The following MDGA2 variants were observed in gnomAD, a reference collection of about 807,000 sequenced individuals.
MDGA2 encodes MAM domain-containing glycosylphosphatidylinositol anchor protein 2.
A neutral mutation model predicts 117.8 loss-of-function variants in MDGA2; 40 were observed. The observed-to-expected ratio is 0.34, with a 90% confidence interval of 0.26 to 0.44. The LOEUF (loss-of-function observed/expected upper bound fraction) is 0.44. MDGA2 is among the 20% of genes least tolerant of loss of function. The pLI, the probability that MDGA2 is intolerant of heterozygous loss-of-function variation, is 1.00. For missense variants in MDGA2, 1,123 were observed against 1,250.6 expected, an observed-to-expected ratio of 0.90 and a Z score of 1.54; for synonymous variants, 452 against 439.0, an observed-to-expected ratio of 1.03 and a Z score of -0.37.
chr14:46,844,918 G>A lies in MDGA2; in HGVS notation c.2989+848C>T, dbSNP rs1880766320. Among the ~76,000 whole-genome samples, 4 of 152,134 alleles carry A rather than the reference G, an allele frequency of 2.6e-5. No individual in the cohort carries two copies. In the South Asian group the frequency reaches 8.3e-4, roughly 32 times the overall value. ...TGTTTTTGAGACAGACTCTTGCTCTGTCGCCCAGGCTGGAGTGCAGTGGCG... is the reference window on the plus strand; with the variant it reads ...TGTTTTTGAGACAGACTCTTGCTCTATCGCCCAGGCTGGAGTGCAGTGGCG... On this transcript the variant is annotated intron_variant, in intron 16 of 16. Transcript: ENST00000399232.
At chr14:46,955,999 G>A (rs966389829) in intron 9 of MDGA2, among the ~76,000 whole-genome samples, 6 of 152,004 alleles carry the variant, frequency 3.9e-5, no homozygotes, top group African/African-American at 1.2e-4. Context: ...TTTAGTAAAT[G>A]AACTAATTGG....
chr14:47,333,220 T>A (rs1890343495), intron 1 of MDGA2, among the ~76,000 whole-genome samples: 1 of 151,976 alleles, frequency 6.6e-6, no homozygotes, highest in Non-Finnish European at 1.5e-5. Flanking sequence ...ATCTCCATAC[T>A]GTTTTTCATA....
intron 1 of MDGA2, among the ~76,000 whole-genome samples, chr14:47,617,947 A>G (rs755604177): frequency 2.5e-4 from 38 of 152,160 alleles, no homozygotes; most frequent in Non-Finnish European, 5.9e-5. Context: ...TTCTTAATAA[A>G]TAACTTTTTA....
intron 1 of MDGA2, among the ~76,000 whole-genome samples, chr14:47,481,085 T>G (rs1893945045): frequency 1.3e-5 from 2 of 151,932 alleles, no homozygotes; most frequent in Admixed American, 1.3e-4. Flanking sequence ...ATAATGACAT[T>G]GCCACAGCAA....
At chr14:47,200,244 A>T (rs575685768) in intron 3 of MDGA2, among the ~76,000 whole-genome samples, 21 of 152,060 alleles carry the variant, frequency 1.4e-4, no homozygotes, top group Non-Finnish European at 2.5e-4. Flanking sequence ...ATCACCAATT[A>T]TCACCACCAT....
chr14:46,879,172 A>G (rs1882348279), intron 11 of MDGA2, among the ~76,000 whole-genome samples: 1 of 152,068 alleles, frequency 6.6e-6, no homozygotes, highest in Non-Finnish European at 1.5e-5. Flanking sequence ...CCCCAATCCA[A>G]TGGGATTGGT....
chr14:47,561,158 G>GTTTTTTTTTTTTTTTTTT (rs200625450), intron 1 of MDGA2, among the ~76,000 whole-genome samples: 4 of 55,090 alleles, frequency 7.3e-5, no homozygotes, highest in Non-Finnish European at 1.3e-4. Context: ...TTTTTGTTTT[G>GTTTTTTTTTTTTTTTTTT]TTTTGTTTTT....
intron 1 of MDGA2, among the ~76,000 whole-genome samples, chr14:47,339,566 T>A (rs1180580294): frequency 6.6e-6 from 1 of 152,062 alleles, no homozygotes; most frequent in African/African-American, 2.4e-5. Flanking sequence ...CTGGTTGTTA[T>A]AATAAAAAGA....
chr14:47,525,936 A>T (rs1894965634), intron 1 of MDGA2, among the ~76,000 whole-genome samples: 1 of 152,012 alleles, frequency 6.6e-6, no homozygotes, highest in Non-Finnish European at 1.5e-5. Flanking sequence ...GGCACATGTC[A>T]CCAGTTTTTA....
At chr14:47,046,903 C>T (rs987496834) in intron 7 of MDGA2, among the ~76,000 whole-genome samples, 21 of 152,142 alleles carry the variant, frequency 1.4e-4, no homozygotes, top group South Asian at 8.3e-4. Context: ...TACACAAATG[C>T]GTTATCCTTT....
intron 1 of MDGA2, among the ~76,000 whole-genome samples, chr14:47,660,714 A>G (rs752170119): frequency 6.7e-6 from 1 of 150,298 alleles, no homozygotes; most frequent in African/African-American, 2.4e-5. Flanking sequence ...ATTGTTAATC[A>G]GCCTAGGGAG....
intron 1 of MDGA2, among the ~76,000 whole-genome samples, chr14:47,571,786 T>A (rs535489427): frequency 3.0e-4 from 45 of 151,968 alleles, no homozygotes; most frequent in Non-Finnish European, 4.9e-4. Context: ...AGGCATAGCA[T>A]TAGGAGAAAT....
At chr14:46,943,800 G>C (rs920379259) in intron 9 of MDGA2, among the ~76,000 whole-genome samples, 1 of 152,022 alleles carries the variant, frequency 6.6e-6, no homozygotes, top group Non-Finnish European at 1.5e-5. Flanking sequence ...TATTTGTAAA[G>C]GGTGAGACAG....
At chr14:47,396,987 T>C (rs1892025750) in intron 1 of MDGA2, among the ~76,000 whole-genome samples, 1 of 152,076 alleles carries the variant, frequency 6.6e-6, no homozygotes, top group Admixed American at 6.6e-5. Flanking sequence ...ACTGGGTATA[T>C]CCCAAAGGAT....
rs549727782 is a variant in MDGA2, at chr14:47,054,970, C to T, written c.1525+6279G>A. On this transcript the variant is annotated intron_variant, in intron 7 of 16. Transcript: ENST00000399232. ...TCTAGCCACTATTCATAAAATATTG[C>T]TTGTCCCCGTTGTCCAATTTTTTTT... is the stretch of plus-strand genomic sequence containing the variant. Among the ~76,000 whole-genome samples, 289 of 148,062 alleles carry T rather than the reference C, an allele frequency of 2.0e-3. 1 individual carries two copies. The highest frequency in any genetic ancestry group is 3.6e-3 in the Middle Eastern group (1 of 280).
intron 8 of MDGA2, among the ~76,000 whole-genome samples, chr14:47,016,391 G>C (rs1166996856): frequency 6.6e-6 from 1 of 151,920 alleles, no homozygotes; most frequent in African/African-American, 2.4e-5. Context: ...AAGTCTGCTA[G>C]GTTTTTAAGA....
At chr14:47,325,887 TGAAA>T (rs1302525091) in intron 1 of MDGA2, among the ~76,000 whole-genome samples, 1 of 152,124 alleles carries the variant, frequency 6.6e-6, no homozygotes, top group Non-Finnish European at 1.5e-5. Context: ...TAGGATGAAC[TGAAA>T]GAAAGATGCA....
At chr14:47,254,411 G>C (rs764001997) in intron 2 of MDGA2, among the ~76,000 whole-genome samples, 14 of 152,124 alleles carry the variant, frequency 9.2e-5, no homozygotes, top group Non-Finnish European at 1.6e-4. Flanking sequence ...CAGATCTCTA[G>C]GGCAGGAGCA....
intron 1 of MDGA2, among the ~76,000 whole-genome samples, chr14:47,401,779 C>G (rs1203000060): frequency 6.6e-6 from 1 of 152,162 alleles, no homozygotes; most frequent in Admixed American, 6.5e-5. Flanking sequence ...TATGGAAACC[C>G]CATGCCAGCC....
Sources: allele counts gnomAD v4.1 joint callset (sites outside exome capture counted in the v4.1 genomes callset), GRCh38; gene constraint gnomAD v4.1.1; transcripts MANE v1.5; gene names NCBI Gene and HGNC (gene_info 2026-07-23, HGNC 2026-07-21).